Variants in MFF observed in about 807,000 individuals in gnomAD.
The protein encoded by MFF is chromosome 2 open reading frame 33.
A neutral mutation model predicts 36.9 loss-of-function variants in MFF; 12 were observed. That is an observed-to-expected ratio of 0.33 (90% confidence interval 0.21 to 0.53). MFF has a LOEUF of 0.53. Among genes scored for constraint, MFF ranks in the 20% least tolerant of loss-of-function variants. MFF has a pLI of 0.95. For synonymous variants in MFF, 99 were observed against 126.2 expected (o/e 0.78, Z 1.44); for missense variants, 348 against 366.6 (o/e 0.95, Z 0.42).
chr2:227,328,128 T>C (rs1313731394), intron 1 of MFF, among the ~76,000 whole-genome samples: 3 of 152,002 alleles, frequency 2.0e-5, no homozygotes, highest in Non-Finnish European at 4.4e-5. Flanking sequence ...CCCAGCACTT[T>C]AGGAGACGAA....
intron 4 of MFF, among the ~76,000 whole-genome samples, chr2:227,332,977 CAT>C (rs1455375116): frequency 2.0e-5 from 3 of 152,194 alleles, no homozygotes; most frequent in Non-Finnish European, 2.9e-5. Context: ...TGACACTACC[CAT>C]TCTCGCTACT....
intron 5 of MFF, among the ~76,000 whole-genome samples, chr2:227,340,731 T>G (rs1330101715): frequency 1.3e-5 from 2 of 152,210 alleles, no homozygotes; most frequent in Non-Finnish European, 2.9e-5. Flanking sequence ...CCCTTACGAT[T>G]CATTGAATTT....
In MFF at chr2:227,347,231, C is replaced by T. The variant is rs779535716; in HGVS notation, c.446C>T (p.Thr149Ile). ...GQLVRNDSLV[T>I]PSPQQARVCP... ...TGCTGTGCTTGTGTAAACAGTGTGA[C>T]ACCATCGCCACAACAGGCTCGGGTC... Residue 149 changes from threonine to isoleucine, a missense_variant, in exon 6 of 9, where the codon ACA (threonine) becomes ATA (isoleucine). Transcript: ENST00000304593. 60 of 1,613,414 alleles carry T rather than the reference C, an allele frequency of 3.7e-5. No homozygotes were observed. The highest frequency in any genetic ancestry group is 5.0e-5 in the Non-Finnish European group (59 of 1,179,594).
intron 1 of MFF, among the ~76,000 whole-genome samples, chr2:227,327,387 T>C (rs770516117): frequency 2.6e-5 from 4 of 152,222 alleles, no homozygotes; most frequent in Non-Finnish European, 5.9e-5. Flanking sequence ...GTTTATTTAT[T>C]GCCAAAAGAT....
At chr2:227,339,479 C>T (rs1056334544) in intron 4 of MFF, among the ~76,000 whole-genome samples, 1 of 152,178 alleles carries the variant, frequency 6.6e-6, no homozygotes, top group Non-Finnish European at 1.5e-5. Flanking sequence ...TTTGCTCACT[C>T]ACATGTCACT....
At chr2:227,332,107 G>A (rs1249248522) in intron 3 of MFF, among the ~76,000 whole-genome samples, 1 of 148,198 alleles carries the variant, frequency 6.7e-6, no homozygotes. Context: ...AAGTAGCTGG[G>A]ACTACAGGCG....
At chr2:227,344,808 A>T (rs1241244932) in intron 5 of MFF, among the ~76,000 whole-genome samples, 2 of 152,036 alleles carry the variant, frequency 1.3e-5, no homozygotes, top group Non-Finnish European at 2.9e-5. Flanking sequence ...TTTTTTACTA[A>T]TCTTTGAAAT....
intron 6 of MFF, among the ~76,000 whole-genome samples, chr2:227,350,799 C>G (rs898624050): frequency 6.6e-6 from 1 of 152,148 alleles, no homozygotes; most frequent in Non-Finnish European, 1.5e-5. Context: ...TCCCTTTTGC[C>G]ACTCTACAAA....
At chr2:227,328,236 T>C (rs1008538237) in intron 1 of MFF, among the ~76,000 whole-genome samples, 12 of 132,032 alleles carry the variant, frequency 9.1e-5, no homozygotes, top group African/African-American at 3.2e-4. Context: ...CTGGGTGTGG[T>C]GGCATATGCC....
intron 7 of MFF, 54 bp downstream of exon 7, chr2:227,352,627 GT>G: frequency 7.2e-7 from 1 of 1,390,776 alleles, no homozygotes; most frequent in Non-Finnish European, 9.9e-7. Flanking sequence ...GAATTTGTGT[GT>G]TGCAGGGCAT....
intron 7 of MFF, among the ~76,000 whole-genome samples, chr2:227,355,109 C>T (rs775666018): frequency 3.3e-5 from 5 of 152,024 alleles, no homozygotes; most frequent in Non-Finnish European, 5.9e-5. Context: ...TGCAATGAGC[C>T]GAGATTGTGC....
intron 7 of MFF, among the ~76,000 whole-genome samples, chr2:227,353,146 T>G (rs949843438): frequency 2.0e-5 from 3 of 152,192 alleles, no homozygotes; most frequent in Non-Finnish European, 4.4e-5. Flanking sequence ...TTTTACACTT[T>G]CAGACACGCG....
intron 8 of MFF, among the ~76,000 whole-genome samples, chr2:227,356,246 A>G (rs2076251874): frequency 6.6e-6 from 1 of 152,224 alleles, no homozygotes. Flanking sequence ...ACACATGTGA[A>G]GAAGGCATAG....
intron 5 of MFF, among the ~76,000 whole-genome samples, chr2:227,343,399 A>G (rs955987983): frequency 1.3e-5 from 2 of 152,180 alleles, no homozygotes; most frequent in East Asian, 1.9e-4. Flanking sequence ...CAGGTATTCA[A>G]TAGCTAATAC....
intron 5 of MFF, among the ~76,000 whole-genome samples, chr2:227,341,964 C>T (rs1423970929): frequency 1.3e-5 from 2 of 151,924 alleles, no homozygotes; most frequent in South Asian, 2.1e-4. Context: ...TTATTATGTA[C>T]GAAAACCAGT....
At chr2:227,353,044 C>A (rs1270696100) in intron 7 of MFF, among the ~76,000 whole-genome samples, 4 of 152,152 alleles carry the variant, frequency 2.6e-5, no homozygotes, top group African/African-American at 9.7e-5. Context: ...AACAACTCCA[C>A]AGTTTGGGAA....
chr2:227,338,817 A>AATTT (rs1418956251), intron 4 of MFF, among the ~76,000 whole-genome samples: 2 of 151,296 alleles, frequency 1.3e-5, no homozygotes, highest in Non-Finnish European at 2.9e-5. Context: ...CCTGGGCGAC[A>AATTT]GAACAAGACT....
chr2:227,330,635 G>C lies in MFF; in HGVS notation c.-31G>C. 1 of 1,613,188 alleles carries C rather than the reference G, an allele frequency of 6.2e-7. No individual in the cohort carries two copies. Among genetic ancestry groups the C allele is most frequent in the Non-Finnish European group, 8.5e-7 (1 of 1,179,176 alleles). On this transcript the variant is annotated 5_prime_UTR_variant, in exon 3 of 9. Coordinates refer to ENST00000304593, the MANE Select transcript of MFF (RefSeq NM_001277062.2). The stretch of plus-strand genomic sequence containing the variant: ...AATTTTTCTCCCACAGGGTGAGCAG[G>C]GCAGCATTTCCTTCTCCCACTGCTG...
At chr2:227,339,975 ACC>A (rs1421590052) in intron 4 of MFF, among the ~76,000 whole-genome samples, 1 of 152,256 alleles carries the variant, frequency 6.6e-6, no homozygotes, top group African/African-American at 2.4e-5. Context: ...ATAAGTATAT[ACC>A]ATAAGGTTAA....
Sources: gnomAD v4.1 joint callset for allele counts (sites outside exome capture counted in the v4.1 genomes callset) on GRCh38, gnomAD v4.1.1 for gene constraint, MANE v1.5 for transcripts, NCBI Gene and HGNC (gene_info 2026-07-23, HGNC 2026-07-21) for gene names.